The following DLGAP1 variants were observed in gnomAD, a reference collection of about 807,000 sequenced individuals.
The protein encoded by DLGAP1 is DLG associated protein 1.
DLGAP1 carries 11 observed loss-of-function variants against 90.8 expected under a neutral mutation model. The observed-to-expected ratio is 0.12, with a 90% CI of 0.08 to 0.20. DLGAP1 has a LOEUF of 0.20. Ranked by LOEUF, DLGAP1 falls within the 10% of genes least tolerant of loss-of-function variation. The pLI is 1.00. For synonymous variants in DLGAP1, 558 were observed against 540.7 expected, an observed-to-expected ratio of 1.03 and a Z score of -0.44; for missense variants, 1,050 against 1,333.8, an observed-to-expected ratio of 0.79 and a Z score of 3.31.
intron 1 of DLGAP1, among the ~76,000 whole-genome samples, chr18:4,265,897 AG>A (rs2079120676): frequency 6.6e-6 from 1 of 151,648 alleles, no homozygotes; most frequent in Non-Finnish European, 1.5e-5. Flanking sequence ...TATGCTGCCC[AG>A]GCTGGTCTTG....
Position 4,101,384 on chromosome 18 carries a change from A to C in DLGAP1, c.-159+49796T>G, listed in dbSNP as rs1329715442. 2.0e-5 allele frequency among the ~76,000 whole-genome samples: 3 copies of C among 152,244 alleles called. No individual in the cohort carries two copies. In the East Asian group the frequency reaches 5.8e-4, roughly 29 times the overall value. On this transcript the variant is annotated intron_variant, in intron 2 of 12. Coordinates refer to ENST00000315677, the MANE Select transcript of DLGAP1 (RefSeq NM_004746.4). ...TTGCTGCCTTATATGGGTGCAGTTCATGACATCTCAAAACAATTATAATAG... is the reference window on the plus strand; with the variant it reads ...TTGCTGCCTTATATGGGTGCAGTTCCTGACATCTCAAAACAATTATAATAG...
At position 3,502,650 on chromosome 18, in the gene DLGAP1, A is replaced by C. The variant is rs1377256042; in HGVS notation, c.2572-5T>G. 6.2e-7 allele frequency: 1 copy of C among 1,601,870 alleles called. No homozygotes were observed. On this transcript the variant is annotated splice_polypyrimidine_tract_variant and splice_region_variant and intron_variant, in intron 11 of 12. Transcript: ENST00000315677. The stretch of plus-strand genomic sequence containing the variant: ...TCTTGGATGAGCATTAGGATTCTGC[A>C]CAAGAGAAAGAAAAACATTCATGCT...
At position 3,760,129 on chromosome 18, in the gene DLGAP1, C is replaced by T. The variant is rs2063897166; in HGVS notation, c.1173-17617G>A. ...GTAATCCCCAATGTCAGCACAGGGTCCGACATGTATTAGGCCTCCTTATAT... is the reference window on the plus strand; with the variant it reads ...GTAATCCCCAATGTCAGCACAGGGTTCGACATGTATTAGGCCTCCTTATAT... On this transcript the variant is annotated intron_variant, in intron 5 of 12. Coordinates refer to ENST00000315677, the MANE Select transcript of DLGAP1 (RefSeq NM_004746.4). Among the ~76,000 whole-genome samples, 7 of 152,168 alleles carry T rather than the reference C, an allele frequency of 4.6e-5. No individual in the cohort carries two copies. In the South Asian group the frequency reaches 1.5e-3, roughly 32 times the overall value.
chr18:4,039,798 C>T (rs1012824298), intron 2 of DLGAP1, among the ~76,000 whole-genome samples: 2 of 152,078 alleles, frequency 1.3e-5, no homozygotes, highest in Non-Finnish European at 2.9e-5. Context: ...ATTTTTAACC[C>T]CCATGCTACT....
intron 1 of DLGAP1, among the ~76,000 whole-genome samples, chr18:4,381,260 T>C (rs569311154): frequency 2.0e-5 from 3 of 152,300 alleles, no homozygotes; most frequent in Non-Finnish European, 2.9e-5. Context: ...GATGATTGCA[T>C]GATACATAGA....
chr18:3,601,009 G>GATATAGATATATAGATATATAGAT (rs1568280262), intron 7 of DLGAP1, among the ~76,000 whole-genome samples: 1 of 118,950 alleles, frequency 8.4e-6, no homozygotes, highest in East Asian at 2.4e-4. Flanking sequence ...TATAGATATA[G>GATATAGATATATAGATATATAGAT]ATAGATATAT....
intron 1 of DLGAP1, among the ~76,000 whole-genome samples, chr18:4,254,762 C>T (rs2078854149): frequency 6.6e-6 from 1 of 152,196 alleles, no homozygotes; most frequent in Non-Finnish European, 1.5e-5. Flanking sequence ...CTCAGAGAAA[C>T]ACACAATGAA....
chr18:3,706,801 A>T (rs900285603), intron 7 of DLGAP1, among the ~76,000 whole-genome samples: 2 of 152,126 alleles, frequency 1.3e-5, no homozygotes, highest in African/African-American at 4.8e-5. Context: ...GGGGCAAGTA[A>T]GCAAGAAACT....
intron 5 of DLGAP1, among the ~76,000 whole-genome samples, chr18:3,795,453 C>T (rs1278978219): frequency 1.3e-5 from 2 of 151,672 alleles, no homozygotes; most frequent in African/African-American, 4.8e-5. Flanking sequence ...GTAGCTGGGA[C>T]TACAGGCGCC....
intron 7 of DLGAP1, among the ~76,000 whole-genome samples, chr18:3,665,638 A>C (rs1021758559): frequency 1.3e-5 from 2 of 152,356 alleles, no homozygotes; most frequent in East Asian, 1.9e-4. Flanking sequence ...TCTGTGTACG[A>C]TATTTCATTA....
At chr18:3,505,393 C>T (rs1035490454) in intron 11 of DLGAP1, among the ~76,000 whole-genome samples, 1 of 152,070 alleles carries the variant, frequency 6.6e-6, no homozygotes, top group Non-Finnish European at 1.5e-5. Flanking sequence ...AATCCCAGCA[C>T]TTTGGAAGGC....
intron 2 of DLGAP1, among the ~76,000 whole-genome samples, chr18:4,066,673 A>G (rs1448341484): frequency 6.6e-6 from 1 of 152,134 alleles, no homozygotes; most frequent in African/African-American, 2.4e-5. Context: ...AAGTCAAAAA[A>G]TAACAGATGC....
At chr18:3,659,419 A>ACACACC in intron 7 of DLGAP1, among the ~76,000 whole-genome samples, 2 of 139,378 alleles carry the variant, frequency 1.4e-5, no homozygotes, top group African/African-American at 5.6e-5. Flanking sequence ...ACACACACAC[A>ACACACC]CACACACACA....
intron 2 of DLGAP1, among the ~76,000 whole-genome samples, chr18:4,086,779 G>T (rs2075687551): frequency 6.6e-6 from 1 of 151,616 alleles, no homozygotes; most frequent in African/African-American, 2.4e-5. Flanking sequence ...TTTAAGTCAG[G>T]TCAAGTTTGT....
Position 4,108,952 on chromosome 18 carries a change from T to G in DLGAP1, c.-159+42228A>C, listed in dbSNP as rs112184414. ...AGCTCTTACAGTATAAAATTGTATT[T>G]GTTTTACAAATAGTACAACAGGTAT... On this transcript the variant is annotated intron_variant, in intron 2 of 12. Transcript: ENST00000315677. 3.4e-3 allele frequency among the ~76,000 whole-genome samples: 512 copies of G among 152,358 alleles called. 3 individuals are homozygous for G. Among genetic ancestry groups the G allele is most frequent in the African/African-American group, 0.012 (480 of 41,584 alleles).
At chr18:4,361,743 A>G (rs1209208927) in intron 1 of DLGAP1, among the ~76,000 whole-genome samples, 2 of 152,184 alleles carry the variant, frequency 1.3e-5, no homozygotes, top group African/African-American at 2.4e-5. Flanking sequence ...AATTTTATCA[A>G]TTTTTAAAAA....
At chr18:4,268,847 G>T (rs914149862) in intron 1 of DLGAP1, among the ~76,000 whole-genome samples, 2 of 151,870 alleles carry the variant, frequency 1.3e-5, no homozygotes, top group African/African-American at 4.8e-5. Flanking sequence ...TTTTACATCG[G>T]TCCAGTACCA....
intron 1 of DLGAP1, among the ~76,000 whole-genome samples, chr18:4,379,677 C>T (rs1466557398): frequency 6.6e-6 from 1 of 152,104 alleles, no homozygotes; most frequent in Non-Finnish European, 1.5e-5. Context: ...CTCCTTAGGG[C>T]AGAGGTAAAG....
In DLGAP1 at chr18:4,099,532, C is replaced by A. The variant is rs530330250; in HGVS notation, c.-159+51648G>T. Among the ~76,000 whole-genome samples the A allele has an allele frequency of 1.2e-4, 19 of 152,008 alleles. No homozygotes were observed. In the South Asian group the frequency reaches 3.1e-3, roughly 25 times the overall value. On this transcript the variant is annotated intron_variant, in intron 2 of 12. Transcript: ENST00000315677. ...TATTGTCTTAAAAATAATATGTGAA[C>A]CTTAATTAAAAATACTTTATTGCTA...
Sources: gnomAD v4.1 joint callset for allele counts (sites outside exome capture counted in the v4.1 genomes callset) on GRCh38, gnomAD v4.1.1 for gene constraint, MANE v1.5 for transcripts, NCBI Gene and HGNC (gene_info 2026-07-23, HGNC 2026-07-21) for gene names.